EPS15L1: variants seen among roughly 807,000 people sequenced by gnomAD.
EPS15L1 encodes the protein epidermal growth factor receptor pathway substrate 15 like 1.
In EPS15L1, 43 loss-of-function variants were observed where a neutral mutation model predicts 117.1. That is an observed-to-expected ratio of 0.37 (90% CI 0.29 to 0.47). The LOEUF (loss-of-function observed/expected upper bound fraction) is 0.47, where lower values mean the gene tolerates loss of function less well. EPS15L1 is among the 20% of genes least tolerant of loss of function. EPS15L1 has a pLI of 0.99. For missense variants in EPS15L1, 981 were observed against 1,164.0 expected, an observed-to-expected ratio of 0.84 and a Z score of 2.29; for synonymous variants, 459 against 470.5, an observed-to-expected ratio of 0.98 and a Z score of 0.32.
At chr19:16,357,737 G>A (rs2092001514) in intron 23 of EPS15L1, 2 of 152,438 alleles carry the variant, frequency 1.3e-5, no homozygotes. Context: ...ATGTCCCTGG[G>A]AGGAAGGGCT....
intron 1 of EPS15L1, among the ~76,000 whole-genome samples, chr19:16,453,644 C>G (rs537082587): frequency 5.3e-5 from 8 of 151,744 alleles, no homozygotes; most frequent in African/African-American, 1.9e-4. Flanking sequence ...ACCCGGGAGG[C>G]GGATCTTGCA....
intron 6 of EPS15L1, chr19:16,436,643 G>A (rs994808426): frequency 6.2e-6 from 2 of 323,420 alleles, no homozygotes; most frequent in Non-Finnish European, 5.7e-6. Flanking sequence ...ACCTAAAGAT[G>A]CAAGATTTAA....
rs1432058021 is a variant in EPS15L1 at position 16,355,780 on chromosome 19, C to T, written c.2658G>A (p.Ala886=). The T allele has an allele frequency of 3.3e-6, 5 of 1,535,994 alleles. No individual in the cohort carries two copies. The highest frequency in any genetic ancestry group is 3.5e-6 in the Non-Finnish European group (4 of 1,146,868). ...CCTCCTGCTCCTGCCGCCGCAGCCG[C>T]GCCAGCCTCTCCTGTTCCGCCTTCT... The part of the protein sequence containing the change: ...ESEKAEQERL[A]RLRRQEQEDL... Residue 886 remains alanine (A), a synonymous_variant, in exon 24 of 24, where the codon GCG becomes GCA. Transcript: ENST00000455140.
intron 13 of EPS15L1, among the ~76,000 whole-genome samples, chr19:16,408,889 T>C (rs1246651395): frequency 1.3e-5 from 2 of 152,142 alleles, no homozygotes; most frequent in African/African-American, 4.8e-5. Context: ...TTGACAAGGA[T>C]GCTAGGGCCA....
intron 21 of EPS15L1, among the ~76,000 whole-genome samples, chr19:16,378,289 A>G (rs574174109): frequency 3.0e-4 from 46 of 151,718 alleles, no homozygotes; most frequent in Non-Finnish European, 5.9e-4. Flanking sequence ...CAGCTGCCTG[A>G]TTTTTCAGGC....
At chr19:16,389,165 G>C (rs568559986) in intron 19 of EPS15L1, among the ~76,000 whole-genome samples, 20 of 151,454 alleles carry the variant, frequency 1.3e-4, no homozygotes, top group Admixed American at 1.2e-3. Flanking sequence ...GAAAAGAAAA[G>C]AATAATAGCT....
At chr19:16,423,050 G>A (rs1344289227) in intron 9 of EPS15L1, among the ~76,000 whole-genome samples, 1 of 152,090 alleles carries the variant, frequency 6.6e-6, no homozygotes. Context: ...AGGGACTCAT[G>A]GTCAAGACTG....
intron 14 of EPS15L1, 68 bp from the exon 15 acceptor site, chr19:16,403,998 A>G (rs2092629638): frequency 7.0e-7 from 1 of 1,421,040 alleles, no homozygotes; most frequent in African/African-American, 1.4e-5. Flanking sequence ...TCCGAGAAAG[A>G]ACTCTTAGCC....
chr19:16,368,278 TCC>T (rs1409940471), intron 22 of EPS15L1, among the ~76,000 whole-genome samples: 1 of 151,954 alleles, frequency 6.6e-6, no homozygotes. Context: ...GCATCACTGA[TCC>T]TACACAACAG....
At chr19:16,459,503 G>A (rs1393720647) in intron 1 of EPS15L1, among the ~76,000 whole-genome samples, 1 of 152,146 alleles carries the variant, frequency 6.6e-6, no homozygotes, top group African/African-American at 2.4e-5. Context: ...GGTGGGCTGA[G>A]TGCAGGAAGG....
chr19:16,419,984 G>A (rs552591006), intron 10 of EPS15L1, among the ~76,000 whole-genome samples: 8 of 152,324 alleles, frequency 5.3e-5, no homozygotes, highest in African/African-American at 1.7e-4. Flanking sequence ...GCGGCCATCC[G>A]GCTCTGACAC....
intron 1 of EPS15L1, among the ~76,000 whole-genome samples, chr19:16,462,864 A>T (rs1285748297): frequency 6.6e-6 from 1 of 152,110 alleles, no homozygotes; most frequent in East Asian, 1.9e-4. Flanking sequence ...GGAACAGAGG[A>T]GGGAAAAGAC....
intron 12 of EPS15L1, among the ~76,000 whole-genome samples, chr19:16,416,092 C>T (rs1031868882): frequency 1.3e-5 from 2 of 152,364 alleles, no homozygotes; most frequent in Middle Eastern, 3.4e-3. Flanking sequence ...CCTAACCTGC[C>T]TTTGCTCATC....
In EPS15L1 at chr19:16,434,584, C is replaced by T. The variant is rs1028082762; in HGVS notation, c.373-94G>A. On this transcript the variant is annotated intron_variant, in intron 6 of 23. Coordinates refer to ENST00000455140, the MANE Select transcript of EPS15L1 (RefSeq NM_001258374.3). ...ACCGAAAGCCAAGTGAAAATGGCCACGGACCCATCATCACCCTTGGCTAAA... is the reference window on the plus strand; with the variant it reads ...ACCGAAAGCCAAGTGAAAATGGCCATGGACCCATCATCACCCTTGGCTAAA... 25 of 1,349,384 alleles carry T rather than the reference C, an allele frequency of 1.9e-5. No individual in the cohort carries two copies. In the African/African-American group the frequency reaches 2.0e-4, roughly 11 times the overall value. The allele number at this position is 1,349,384 out of a possible 1,614,324, so 83.6% of individuals were successfully genotyped here.
At chr19:16,368,914 C>T (rs979626496) in intron 22 of EPS15L1, among the ~76,000 whole-genome samples, 2 of 152,220 alleles carry the variant, frequency 1.3e-5, no homozygotes, top group African/African-American at 2.4e-5. Context: ...GAGCAGTGGC[C>T]CGGGCGGGGC....
chr19:16,362,315 A>G (rs796122202), intron 22 of EPS15L1, among the ~76,000 whole-genome samples: 4 of 151,924 alleles, frequency 2.6e-5, no homozygotes, highest in African/African-American at 9.7e-5. Flanking sequence ...CAACACATTT[A>G]TTAACATACT....
chr19:16,450,054 G>A (rs2093124939), intron 1 of EPS15L1, among the ~76,000 whole-genome samples: 1 of 150,556 alleles, frequency 6.6e-6, no homozygotes, highest in Non-Finnish European at 1.5e-5. Context: ...GACGTGTTCT[G>A]TACCTGGCTA....
Position 16,395,452 on chromosome 19 carries a change from T to G in EPS15L1, c.1807A>C (p.Asn603His), listed in dbSNP as rs756074772. The G allele has an allele frequency of 1.2e-6, 2 of 1,613,682 alleles. No individual in the cohort carries two copies. The highest frequency in any genetic ancestry group is 2.7e-5 in the African/African-American group (2 of 74,912). Reference protein sequence around the residue: ...SFGAMDDPFKNKALLFSNNTQ... With the variant: ...SFGAMDDPFKHKALLFSNNTQ... ...TTGTTGCTAAATAACAAGGCTTTAT[T>G]TTTGAAAGGATCATCCTACAATTTT... is the stretch of plus-strand genomic sequence containing the variant. The change falls in exon 17 of 24, where the codon AAT becomes CAT. Residue 603 changes from asparagine to histidine, a missense_variant. Asn to His is a moderately conservative substitution (Grantham distance 68). This residue lies in a region of EPS15L1 where 819 missense variants were observed against 949.0 expected (regional missense o/e 0.86). Transcript: ENST00000455140.
chr19:16,392,057 G>A (rs2092481826), intron 19 of EPS15L1, among the ~76,000 whole-genome samples: 1 of 152,142 alleles, frequency 6.6e-6, no homozygotes, highest in South Asian at 2.1e-4. Flanking sequence ...CCTGATGTGG[G>A]GCCACTGGAC....
Sources: gnomAD v4.1 joint callset for allele counts (sites outside exome capture counted in the v4.1 genomes callset) on GRCh38, gnomAD v4.1.1 for gene constraint, gnomAD v4.1.1 regional missense constraint, MANE v1.5 for transcripts, NCBI Gene and HGNC (gene_info 2026-07-23, HGNC 2026-07-21) for gene names.